Variants in CHIA observed in about 807,000 individuals in gnomAD.
The protein encoded by CHIA is chitinase acidic, also known as acidic mammalian chitinase.
CHIA carries 47 observed loss-of-function variants against 53.5 expected under a neutral mutation model. That is an observed-to-expected ratio of 0.88 (90% confidence interval 0.70 to 1.12). The LOEUF is 1.12. Ranked by LOEUF, CHIA falls within the 50% of genes most tolerant of loss-of-function variation. The probability of loss-of-function intolerance (pLI) is 0.00; values close to 1 mark genes in which losing one functional copy is unlikely to be tolerated. For synonymous variants in CHIA, 268 were observed against 222.2 expected (o/e 1.21, Z -1.83); for missense variants, 652 against 592.2 (o/e 1.10, Z -1.05).
chr1:111,295,583 C>T (rs369132119), intron 1 of CHIA, among the ~76,000 whole-genome samples: 27 of 151,976 alleles, frequency 1.8e-4, no homozygotes, highest in Admixed American at 3.9e-4. Context: ...GTGTGATCAA[C>T]GCAGAAGACA....
rs537570035 is a variant in CHIA at position 111,308,260 on chromosome 1, C to T, written c.-68-2140C>T. 2.8e-4 allele frequency among the ~76,000 whole-genome samples: 43 copies of T among 152,296 alleles called. 1 individual carries two copies. Among genetic ancestry groups the T allele is most frequent in the African/African-American group, 9.9e-4 (41 of 41,566 alleles). ...TCACTAGCTATAAATGGTAGCTACA[C>T]CCTATAGTCCTGAATACGATAAACC... On this transcript the variant is annotated intron_variant, in intron 1 of 11. Transcript: ENST00000369740.
intron 1 of CHIA, among the ~76,000 whole-genome samples, chr1:111,309,641 C>T (rs1043570100): frequency 1.3e-5 from 2 of 152,002 alleles, no homozygotes; most frequent in Non-Finnish European, 2.9e-5. Flanking sequence ...AGTCCTTTGG[C>T]CAAAAGAGAA....
chr1:111,298,839 A>G (rs1647444418), intron 1 of CHIA, among the ~76,000 whole-genome samples: 1 of 152,232 alleles, frequency 6.6e-6, no homozygotes, highest in South Asian at 2.1e-4. Context: ...ATAGACTGCT[A>G]GCAAGACTTA....
At position 111,318,668 on chromosome 1, in the gene CHIA, C is replaced by G. The variant is rs1490886140; in HGVS notation, c.905C>G (p.Ala302Gly). 3.1e-6 allele frequency: 5 copies of G among 1,613,476 alleles called. No homozygotes were observed. The highest frequency in any genetic ancestry group is 4.2e-6 in the Non-Finnish European group (5 of 1,179,674). ...TATGCCAAGGAGTCTGGGATCTGGG[C>G]TTACTACGAGGTATGTAGATTGGAC... is the stretch of plus-strand genomic sequence containing the variant. Reference protein sequence around the residue: ...GPYAKESGIWAYYEICTFLKN... With the variant: ...GPYAKESGIWGYYEICTFLKN... The change falls in exon 9 of 12, where the codon GCT becomes GGT. Residue 302 changes from alanine (A) to glycine (G), a missense_variant. Ala to Gly is a moderately conservative substitution (Grantham distance 60). Coordinates refer to ENST00000369740, the MANE Select transcript of CHIA (RefSeq NM_201653.4).
chr1:111,318,795 C>T (rs1465050653), intron 9 of CHIA, 117 bp downstream of exon 9: 3 of 1,144,062 alleles, frequency 2.6e-6, no homozygotes, highest in Non-Finnish European at 3.7e-6. Context: ...TTAAACACAG[C>T]TGCTTAAAGT....
At chr1:111,319,530 C>T in intron 11 of CHIA, 62 bp downstream of exon 11, 5 of 1,513,692 alleles carry the variant, frequency 3.3e-6, no homozygotes, top group South Asian at 2.3e-5. Flanking sequence ...CAAAAAGCAA[C>T]CCTGATGTCT....
chr1:111,303,173 C>T (rs775546277), intron 1 of CHIA, among the ~76,000 whole-genome samples: 11 of 152,062 alleles, frequency 7.2e-5, no homozygotes, highest in Middle Eastern at 3.4e-3. Context: ...TTGTAGACAG[C>T]GTATGGTTGG....
In CHIA at chr1:111,301,421, C is replaced by T. The variant is rs150964782; in HGVS notation, c.-68-8979C>T. ...AGCCATAAAAAAGGATGAGTTGGGC[C>T]GGGTGCGGTGGCTCACACCTGTAAT... On this transcript the variant is annotated intron_variant, in intron 1 of 11. Transcript: ENST00000369740. 8.4e-3 allele frequency among the ~76,000 whole-genome samples: 1,280 copies of T among 151,844 alleles called. 31 individuals carry two copies. The highest frequency in any genetic ancestry group is 0.029 in the African/African-American group (1,203 of 41,406).
rs1648706372 is a variant in CHIA, at chr1:111,311,833, C to G, written c.55+115C>G. The stretch of plus-strand genomic sequence containing the variant: ...CAGATGGGTTTGATTTGGGAGTAAT[C>G]TAGTGTTTTGGATTGGCTGTCACTG... On this transcript the variant is annotated intron_variant, in intron 3 of 11. Coordinates refer to ENST00000369740, the MANE Select transcript of CHIA (RefSeq NM_201653.4). The G allele has an allele frequency of 5.3e-6, 6 of 1,139,308 alleles. No homozygotes were observed. The South Asian group carries it at 7.5e-5, about 14-fold the overall frequency. The allele number at this position is 1,139,308 out of a possible 1,614,324, so 70.6% of individuals were successfully genotyped here. A position where few individuals can be genotyped will look rare whatever the true frequency, so the allele number is the denominator to read the frequency against.
Position 111,312,207 on chromosome 1 carries a change from A to C in CHIA, c.73A>C (p.Thr25Pro), listed in dbSNP as rs1457792813. 2 of 1,614,068 alleles carry C rather than the reference A, an allele frequency of 1.2e-6. No individual in the cohort carries two copies. Among genetic ancestry groups the C allele is most frequent in the African/African-American group, 1.3e-5 (1 of 75,030 alleles). ...ACACACAGGCTCTGCCTACCAGCTG[A>C]CATGCTACTTCACCAACTGGGCCCA... is the stretch of plus-strand genomic sequence containing the variant. ...NLQLGSAYQL[T>P]CYFTNWAQYR... The change falls in exon 4 of 12, where the codon ACA becomes CCA. Residue 25 changes from threonine to proline, a missense_variant. Thr to Pro is a conservative substitution (Grantham distance 38, BLOSUM62 -1). Coordinates refer to ENST00000369740, the MANE Select transcript of CHIA (RefSeq NM_201653.4).
chr1:111,314,692 G>C lies in CHIA; in HGVS notation c.314+96G>C, dbSNP rs1368394804. 3.7e-6 allele frequency: 3 copies of C among 812,076 alleles called. No individual in the cohort carries two copies. In the African/African-American group the frequency reaches 5.1e-5, roughly 14 times the overall value. The allele number at this position is 812,076 out of a possible 1,614,324, so 50.3% of individuals were successfully genotyped here. Reference sequence around the variant, plus strand: ...CCTTTAGACTTCACAATCTAAGACAGGGTATTGAGGATGTACATAAACAAA... The same window carrying C: ...CCTTTAGACTTCACAATCTAAGACACGGTATTGAGGATGTACATAAACAAA... On this transcript the variant is annotated intron_variant, in intron 5 of 11. Coordinates refer to ENST00000369740, the MANE Select transcript of CHIA (RefSeq NM_201653.4).
chr1:111,310,360 T>C (rs1006901818), intron 1 of CHIA, 40 bp from the exon 2 acceptor site: 1 of 1,575,680 alleles, frequency 6.3e-7, no homozygotes, highest in African/African-American at 1.4e-5. Flanking sequence ...ATTTACTGAT[T>C]AACTACATAC....
chr1:111,312,935 A>T (rs572203262), intron 4 of CHIA, among the ~76,000 whole-genome samples: 2 of 152,182 alleles, frequency 1.3e-5, no homozygotes, highest in Non-Finnish European at 2.9e-5. Context: ...ATCTCACTTA[A>T]CATAATATCC....
chr1:111,319,249 G>C lies in CHIA; in HGVS notation c.1035+10G>C. 1 of 1,614,194 alleles carries C rather than the reference G, an allele frequency of 6.2e-7. No individual in the cohort carries two copies. Among genetic ancestry groups the C allele is most frequent in the Non-Finnish European group, 8.5e-7 (1 of 1,180,022 alleles). On this transcript the variant is annotated intron_variant, in intron 10 of 11. Transcript: ENST00000369740. Reference sequence around the variant, plus strand: ...GAGCTTCGATATTAAGGTAAGATCAGTCCCTTAAATGTGCTGAGGTCCCAG... The same window carrying C: ...GAGCTTCGATATTAAGGTAAGATCACTCCCTTAAATGTGCTGAGGTCCCAG...
chr1:111,301,685 A>G (rs540088512), intron 1 of CHIA, among the ~76,000 whole-genome samples: 50 of 146,662 alleles, frequency 3.4e-4, no homozygotes, highest in Non-Finnish European at 4.8e-4. Context: ...AGCCTGGGCA[A>G]CAAAGCAAGA....
At chr1:111,309,447 C>T (rs1240341747) in intron 1 of CHIA, among the ~76,000 whole-genome samples, 2 of 152,072 alleles carry the variant, frequency 1.3e-5, no homozygotes, top group Non-Finnish European at 2.9e-5. Context: ...TGCTAGAGTA[C>T]ATAAAGTAAA....
intron 1 of CHIA, among the ~76,000 whole-genome samples, chr1:111,296,839 C>T (rs974395793): frequency 3.9e-5 from 6 of 152,204 alleles, no homozygotes; most frequent in East Asian, 1.9e-4. Context: ...AAAGGTTAGA[C>T]GAATGGCTAA....
intron 1 of CHIA, among the ~76,000 whole-genome samples, chr1:111,304,532 T>C (rs889729094): frequency 1.3e-5 from 2 of 152,212 alleles, no homozygotes; most frequent in African/African-American, 4.8e-5. Flanking sequence ...TGAACCTTTC[T>C]AGTAAGTTTT....
intron 5 of CHIA, 154 bp downstream of exon 5, chr1:111,314,750 C>T: frequency 3.4e-6 from 2 of 581,526 alleles, no homozygotes; most frequent in Non-Finnish European, 3.1e-6. Context: ...ACACCAGAAC[C>T]TCATTATTAA....
Sources: allele counts gnomAD v4.1 joint callset (sites outside exome capture counted in the v4.1 genomes callset), GRCh38; gene constraint gnomAD v4.1.1; transcripts MANE v1.5; gene names NCBI Gene and HGNC (gene_info 2026-07-23, HGNC 2026-07-21).